DISC1: variants seen among roughly 807,000 people sequenced by gnomAD.
DISC1 encodes disrupted in schizophrenia 1 protein.
DISC1 carries 57 observed loss-of-function variants against 84.5 expected under a neutral mutation model. The ratio of observed to expected loss-of-function variants is 0.67; its 90% CI spans 0.55 to 0.84. DISC1 has a LOEUF of 0.84. Ranked by LOEUF, DISC1 falls within the 40% of genes least tolerant of loss-of-function variation. The pLI is 0.00. For missense variants in DISC1, 1,000 were observed against 1,057.8 expected, an observed-to-expected ratio of 0.95 and a Z score of 0.76; for synonymous variants, 411 against 415.2, an observed-to-expected ratio of 0.99 and a Z score of 0.12.
intron 4 of DISC1, among the ~76,000 whole-genome samples, chr1:231,754,420 C>A (rs888268352): frequency 2.6e-5 from 4 of 152,088 alleles, no homozygotes; most frequent in Non-Finnish European, 5.9e-5. Flanking sequence ...TATCACATGG[C>A]TGGAGCAGCA....
Position 231,818,457 on chromosome 1 carries a change from A to C in DISC1, c.1921A>C (p.Ser641Arg). The C allele has an allele frequency of 2.5e-6, 4 of 1,614,204 alleles. No individual in the cohort carries two copies. Among genetic ancestry groups the C allele is most frequent in the Non-Finnish European group, 3.4e-6 (4 of 1,180,010 alleles). Residue 641 changes from serine to arginine, a missense_variant, in exon 9 of 13, where the codon AGT (serine) becomes CGT (arginine). Transcript: ENST00000439617. ...TTCCAGGAATGTCAAAAAGCTGGGA[A>C]GTGTTAAAGAAGATTACAACAGACT... ...LSSRNVKKLG[S>R]VKEDYNRLRR...
chr1:231,948,423 G>T (rs1204866672), intron 9 of DISC1, among the ~76,000 whole-genome samples: 1 of 152,108 alleles, frequency 6.6e-6, no homozygotes, highest in Non-Finnish European at 1.5e-5. Context: ...CATGGACATA[G>T]GGAGGGGAAC....
At chr1:231,723,230 T>C in intron 3 of DISC1, 1 of 850,496 alleles carries the variant, frequency 1.2e-6, no homozygotes, top group Non-Finnish European at 1.4e-6. Context: ...GAACCCCTGA[T>C]ACAGACTGTA....
At chr1:231,838,626 A>G (rs1283995739) in intron 9 of DISC1, among the ~76,000 whole-genome samples, 2 of 152,230 alleles carry the variant, frequency 1.3e-5, no homozygotes, top group Non-Finnish European at 2.9e-5. Flanking sequence ...CCCTGTCGTC[A>G]TCTTGCATTA....
chr1:231,660,630 C>G (rs187678689), intron 1 of DISC1, among the ~76,000 whole-genome samples: 9 of 152,198 alleles, frequency 5.9e-5, no homozygotes, highest in African/African-American at 2.2e-4. Flanking sequence ...CACCTGCCAT[C>G]TTTTAGTAGA....
At chr1:231,987,478 C>T (rs1664615529) in intron 10 of DISC1, among the ~76,000 whole-genome samples, 1 of 152,246 alleles carries the variant, frequency 6.6e-6, no homozygotes, top group Non-Finnish European at 1.5e-5. Flanking sequence ...CTTTTATATG[C>T]ATAAATAATC....
At chr1:231,795,321 T>G in intron 7 of DISC1, 25 bp downstream of exon 7, 1 of 1,601,268 alleles carries the variant, frequency 6.2e-7, no homozygotes, top group Non-Finnish European at 8.6e-7. Context: ...ATTCCCATTT[T>G]CCAAAGAAGC....
chr1:231,929,544 C>T (rs547171893), intron 9 of DISC1, among the ~76,000 whole-genome samples: 17 of 152,298 alleles, frequency 1.1e-4, no homozygotes, highest in African/African-American at 3.6e-4. Context: ...CCTCAGAGCA[C>T]GGCCGCAGCT....
chr1:232,012,537 G>T (rs1668114466), intron 11 of DISC1, among the ~76,000 whole-genome samples: 1 of 152,194 alleles, frequency 6.6e-6, no homozygotes, highest in African/African-American at 2.4e-5. Flanking sequence ...TTTTGCTTTA[G>T]AACTCCGTGC....
intron 9 of DISC1, among the ~76,000 whole-genome samples, chr1:231,878,903 T>G (rs2086079975): frequency 6.6e-6 from 1 of 152,210 alleles, no homozygotes; most frequent in Non-Finnish European, 1.5e-5. Flanking sequence ...TGTGCCTGGC[T>G]TCTTTCACTC....
At chr1:231,991,470 A>G (rs1000398283) in intron 10 of DISC1, among the ~76,000 whole-genome samples, 4 of 152,108 alleles carry the variant, frequency 2.6e-5, no homozygotes, top group Admixed American at 2.6e-4. Flanking sequence ...GTTTCCATTT[A>G]TCCTATAGTT....
intron 11 of DISC1, among the ~76,000 whole-genome samples, chr1:232,021,925 G>C (rs1175262123): frequency 1.3e-5 from 2 of 152,140 alleles, no homozygotes; most frequent in African/African-American, 2.4e-5. Flanking sequence ...GGCTTTAGCT[G>C]AGGCTCTCAT....
chr1:231,955,485 AC>A (rs2102732898), intron 9 of DISC1, among the ~76,000 whole-genome samples: 1 of 99,484 alleles, frequency 1.0e-5, no homozygotes, highest in African/African-American at 6.5e-5. Flanking sequence ...GTCATTCTTG[AC>A]TTTTTTTTTT....
intron 1 of DISC1, among the ~76,000 whole-genome samples, chr1:231,686,443 A>G (rs7536118): frequency 0.38 from 57,496 of 152,064 alleles, 11,300 homozygotes; most frequent in African/African-American, 0.49. Flanking sequence ...GCCAAGGCTT[A>G]GGGCTTGGAC....
intron 1 of DISC1, among the ~76,000 whole-genome samples, chr1:231,678,810 C>CATGA (rs1186678966): frequency 6.6e-6 from 1 of 152,152 alleles, no homozygotes; most frequent in Non-Finnish European, 1.5e-5. Flanking sequence ...GGACTACAGG[C>CATGA]GCCCGCCACC....
intron 9 of DISC1, among the ~76,000 whole-genome samples, chr1:231,894,349 TA>T (rs755289384): frequency 3.9e-5 from 6 of 152,204 alleles, no homozygotes; most frequent in Non-Finnish European, 8.8e-5. Context: ...CCTATGAGTT[TA>T]TTTTTAGTGT....
intron 3 of DISC1, among the ~76,000 whole-genome samples, chr1:231,738,006 T>G (rs1004033446): frequency 9.2e-5 from 14 of 152,174 alleles, no homozygotes; most frequent in Admixed American, 7.9e-4. Flanking sequence ...TACAGGCATG[T>G]GCCACTGCAC....
At chr1:232,025,013 T>C (rs1669315508) in intron 11 of DISC1, among the ~76,000 whole-genome samples, 1 of 152,240 alleles carries the variant, frequency 6.6e-6, no homozygotes, top group African/African-American at 2.4e-5. Context: ...TCTAAGAATC[T>C]CTATCTTCTG....
rs1234888761 is a variant in DISC1 at position 231,797,613 on chromosome 1, A to G, written c.1689+2317A>G. Among the ~76,000 whole-genome samples the G allele has an allele frequency of 2.0e-5, 3 of 152,008 alleles. No individual in the cohort carries two copies. The South Asian group carries it at 6.2e-4, about 32-fold the overall frequency. ...CCTTCATGGGGGCCCCACCTTCATG[A>G]CCTGATCACCTCCCAAAGGCCCCAC... On this transcript the variant is annotated intron_variant, in intron 7 of 12. Coordinates refer to ENST00000439617, the MANE Select transcript of DISC1 (RefSeq NM_018662.3).
Sources: gnomAD v4.1 joint callset for allele counts (sites outside exome capture counted in the v4.1 genomes callset) on GRCh38, gnomAD v4.1.1 for gene constraint, MANE v1.5 for transcripts, NCBI Gene and HGNC (gene_info 2026-07-23, HGNC 2026-07-21) for gene names.